WDFY4: variants seen among roughly 807,000 people sequenced by gnomAD.
WDFY4 encodes WD repeat- and FYVE domain-containing protein 4.
In WDFY4, 169 loss-of-function variants were observed where a neutral mutation model predicts 351.9. The observed-to-expected ratio is 0.48, with a 90% confidence interval of 0.42 to 0.55. WDFY4 has a LOEUF of 0.55. Ranked by LOEUF, WDFY4 falls within the 20% of genes least tolerant of loss-of-function variation. WDFY4 has a pLI of 0.00. For missense variants in WDFY4, 3,803 were observed against 3,935.6 expected, an observed-to-expected ratio of 0.97 and a Z score of 0.90; for synonymous variants, 1,622 against 1,574.6, an observed-to-expected ratio of 1.03 and a Z score of -0.71.
chr10:48,969,961 G>A (rs981445964), intron 56 of WDFY4, among the ~76,000 whole-genome samples, 170 bp from the exon 57 acceptor site: 2 of 152,154 alleles, frequency 1.3e-5, no homozygotes, highest in South Asian at 2.1e-4. Context: ...GAGCTCCTGC[G>A]TGGGGTCCCA....
At chr10:48,809,271 TCAC>T (rs2067363601) in intron 28 of WDFY4, among the ~76,000 whole-genome samples, 1 of 137,590 alleles carries the variant, frequency 7.3e-6, no homozygotes, top group Admixed American at 7.1e-5. Context: ...ATCACCATCA[TCAC>T]CACAACATTA....
At chr10:48,965,765 C>CATATCTATATCAGTTAGATATAGA (rs796096842) in intron 54 of WDFY4, among the ~76,000 whole-genome samples, 113 of 7,624 alleles carry the variant, frequency 0.015, no homozygotes, top group African/African-American at 0.027. Context: ...AGAGTTGAAA[C>CATATCTATATCAGTTAGATATAGA]TTATATCTAT....
At position 48,697,464 on chromosome 10, in the gene WDFY4, C is replaced by T. The variant is rs534459617; in HGVS notation, c.-17-12252C>T. Among the ~76,000 whole-genome samples the T allele has an allele frequency of 7.1e-4, 108 of 152,334 alleles. 1 individual carries two copies. The highest frequency in any genetic ancestry group is 2.3e-3 in the South Asian group (11 of 4,828). On this transcript the variant is annotated intron_variant, in intron 1 of 61. Coordinates refer to ENST00000325239, the MANE Select transcript of WDFY4 (RefSeq NM_001394531.1). ...AAGTAAGTCACAATGTTGGGGAACC[C>T]GGCCTCCAAGGTGATCTGGTGAGTG... is the stretch of plus-strand genomic sequence containing the variant.
At chr10:48,728,294 T>G (rs550636303) in intron 7 of WDFY4, among the ~76,000 whole-genome samples, 1 of 152,332 alleles carries the variant, frequency 6.6e-6, no homozygotes, top group Admixed American at 6.5e-5. Flanking sequence ...CAGACACCGT[T>G]CAGCAGGGCC....
Position 48,969,231 on chromosome 10 carries a change from A to G in WDFY4, c.8752A>G (p.Ser2918Gly), listed in dbSNP as rs537357626. Reference sequence around the variant, plus strand: ...TGATGACTTCAGCTGCTGCTTGGGGAGCTACGGCTCCGACAAGGTGAGGGG... The same window carrying G: ...TGATGACTTCAGCTGCTGCTTGGGGGGCTACGGCTCCGACAAGGTGAGGGG... The part of the protein sequence containing the change: ...GFDDFSCCLG[S>G]YGSDKVLMTF... Residue 2918 changes from serine (S) to glycine (G), a missense_variant, in exon 56 of 62, where the codon AGC becomes GGC. Around this residue, in one of 3 missense-constraint regions of WDFY4, gnomAD observed 3,054 missense variants for 3,148.6 expected, o/e 0.97. Transcript: ENST00000325239. 90 of 1,551,330 alleles carry G rather than the reference A, an allele frequency of 5.8e-5. No individual in the cohort carries two copies. Among genetic ancestry groups the G allele is most frequent in the Non-Finnish European group, 2.5e-5 (29 of 1,146,902 alleles).
At chr10:48,772,367 G>A (rs1339139266) in intron 13 of WDFY4, among the ~76,000 whole-genome samples, 3 of 152,124 alleles carry the variant, frequency 2.0e-5, no homozygotes, top group Non-Finnish European at 4.4e-5. Context: ...GTGGATGTGT[G>A]TGTGGACACA....
At chr10:48,791,341 A>G (rs1871603) in intron 23 of WDFY4, among the ~76,000 whole-genome samples, 45,806 of 152,136 alleles carry the variant, frequency 0.3, 7,824 homozygotes, top group East Asian at 0.7. Context: ...TATGGACTGT[A>G]ATAGGGTTGC....
At chr10:48,914,559 G>C (rs1838329970) in intron 47 of WDFY4, among the ~76,000 whole-genome samples, 1 of 152,176 alleles carries the variant, frequency 6.6e-6, no homozygotes, top group African/African-American at 2.4e-5. Context: ...CCATGTGTGT[G>C]TGTTCTTGGA....
At chr10:48,796,233 GT>G in intron 23 of WDFY4, 64 bp from the exon 24 acceptor site, 1 of 1,500,440 alleles carries the variant, frequency 6.7e-7, no homozygotes, top group Non-Finnish European at 9.0e-7. Context: ...ACTGGGACAA[GT>G]GGGTGAAGGG....
chr10:48,791,775 A>G (rs2066689992), intron 23 of WDFY4, among the ~76,000 whole-genome samples: 1 of 152,120 alleles, frequency 6.6e-6, no homozygotes, highest in African/African-American at 2.4e-5. Context: ...CTGCTGGGTG[A>G]TTGGGGCAAA....
intron 47 of WDFY4, among the ~76,000 whole-genome samples, chr10:48,911,643 G>A (rs1478723826): frequency 2.0e-5 from 3 of 152,080 alleles, no homozygotes; most frequent in Admixed American, 2.0e-4. Flanking sequence ...AGAAATGACA[G>A]GAATGCTATA....
rs758535167 is a variant in WDFY4, at chr10:48,727,658, C to T, written c.970C>T (p.Arg324Trp). The change falls in exon 7 of 62, where the codon CGG (arginine) becomes TGG (tryptophan). Residue 324 changes from arginine to tryptophan, a missense_variant and splice_region_variant. Around this residue, in one of 3 missense-constraint regions of WDFY4, gnomAD observed 488 missense variants for 456.8 expected, o/e 1.07. Coordinates refer to ENST00000325239, the MANE Select transcript of WDFY4 (RefSeq NM_001394531.1). ...TCCTCTGCTGCTCAAAGTGTTACTT[C>T]GGTAAGTGGCTGTGTTTGGTACGGG... is the stretch of plus-strand genomic sequence containing the variant. ...GYPLLLKVLL[R>W]YDGLTQSEVD... 102 of 1,551,758 alleles carry T rather than the reference C, an allele frequency of 6.6e-5. No individual in the cohort carries two copies. The highest frequency in any genetic ancestry group is 8.3e-5 in the Non-Finnish European group (95 of 1,146,978).
chr10:48,760,191 G>A (rs1177643079), intron 12 of WDFY4, among the ~76,000 whole-genome samples, 156 bp from the exon 13 acceptor site: 1 of 152,190 alleles, frequency 6.6e-6, no homozygotes, highest in East Asian at 1.9e-4. Context: ...AGAGTTGGAG[G>A]AAATTAGGCT....
At chr10:48,880,756 G>C (rs2070213278) in intron 43 of WDFY4, among the ~76,000 whole-genome samples, 1 of 152,208 alleles carries the variant, frequency 6.6e-6, no homozygotes, top group South Asian at 2.1e-4. Context: ...CATTTTATGG[G>C]GCTATGCTTG....
At chr10:48,883,705 T>C (rs1156928561) in intron 43 of WDFY4, among the ~76,000 whole-genome samples, 2 of 152,186 alleles carry the variant, frequency 1.3e-5, no homozygotes, top group African/African-American at 4.8e-5. Flanking sequence ...TGACTGCTTT[T>C]CAGGCATCTG....
chr10:48,937,852 A>G (rs1226982161), intron 47 of WDFY4, among the ~76,000 whole-genome samples: 1 of 152,166 alleles, frequency 6.6e-6, no homozygotes. Context: ...TGTGCTTCTT[A>G]GGAGAAATAA....
intron 43 of WDFY4, among the ~76,000 whole-genome samples, chr10:48,880,787 A>C (rs2070214950): frequency 6.6e-6 from 1 of 151,946 alleles, no homozygotes; most frequent in Non-Finnish European, 1.5e-5. Context: ...CTTCATGGGG[A>C]ATTGTGGGAA....
intron 47 of WDFY4, among the ~76,000 whole-genome samples, chr10:48,937,233 G>T (rs902517861): frequency 2.0e-5 from 3 of 152,156 alleles, no homozygotes; most frequent in African/African-American, 4.8e-5. Context: ...TCATATTATG[G>T]CATAGTTGTA....
intron 1 of WDFY4, among the ~76,000 whole-genome samples, chr10:48,699,477 G>A (rs542371256): frequency 6.6e-6 from 1 of 152,308 alleles, no homozygotes; most frequent in East Asian, 1.9e-4. Context: ...GGGGAGAGGA[G>A]GGGCTCCTGT....
Sources: gnomAD v4.1 joint callset for allele counts (sites outside exome capture counted in the v4.1 genomes callset) on GRCh38, gnomAD v4.1.1 for gene constraint, gnomAD v4.1.1 regional missense constraint, MANE v1.5 for transcripts, NCBI Gene and HGNC (gene_info 2026-07-23, HGNC 2026-07-21) for gene names.